Variants in MAGI2 observed in about 807,000 individuals in gnomAD.
The protein encoded by MAGI2 is membrane-associated guanylate kinase, WW and PDZ domain-containing protein 2.
A neutral mutation model predicts 133.3 loss-of-function variants in MAGI2; 35 were observed. The ratio of observed to expected loss-of-function variants is 0.26; its 90% CI spans 0.20 to 0.35. MAGI2 has a LOEUF of 0.35. MAGI2 is among the 10% of genes least tolerant of loss of function. The probability of loss-of-function intolerance (pLI) is 1.00; values close to 1 mark genes in which losing one functional copy is unlikely to be tolerated. For missense variants in MAGI2, 1,636 were observed against 1,863.4 expected (o/e 0.88, Z 2.25); for synonymous variants, 729 against 710.6 (o/e 1.03, Z -0.41).
chr7:78,680,004 AAAGCAAATAGTTGCATTGAGGTCTTCTTC>A (rs1219487193), intron 2 of MAGI2, among the ~76,000 whole-genome samples: 2 of 152,144 alleles, frequency 1.3e-5, no homozygotes, highest in Non-Finnish European at 2.9e-5. Context: ...ATCAAAATCA[AAAGCAAATAGTTGCATTGAGGTCTTCTTC>A]ATCTATCTTT....
intron 2 of MAGI2, among the ~76,000 whole-genome samples, chr7:78,656,070 C>CTA (rs1195292528): frequency 1.3e-5 from 2 of 149,378 alleles, no homozygotes; most frequent in African/African-American, 4.9e-5. Flanking sequence ...CCCCATTAAA[C>CTA]TATACATCAA....
chr7:78,511,991 C>T (rs572768891), intron 4 of MAGI2, among the ~76,000 whole-genome samples: 11 of 151,730 alleles, frequency 7.2e-5, no homozygotes, highest in Admixed American at 6.5e-4. Context: ...GGGGTGGTGG[C>T]GGGCACCTGC....
chr7:78,619,192 TAAAAAAG>T lies in MAGI2; in HGVS notation c.538+7921_538+7927del, dbSNP rs1203528308. 5.3e-5 allele frequency among the ~76,000 whole-genome samples: 8 copies of T among 151,238 alleles called. No individual in the cohort carries two copies. The South Asian group carries it at 1.5e-3, about 28-fold the overall frequency. The stretch of plus-strand genomic sequence containing the variant: ...TGGGTCCATTAAAAATAAAGCAACA[TAAAAAAG>T]AAAAAAGTCACTAGGAGATGTGTAC... On this transcript the variant is annotated intron_variant, in intron 3 of 21. Transcript: ENST00000354212.
At chr7:79,136,097 GA>G (rs1385940641) in intron 1 of MAGI2, among the ~76,000 whole-genome samples, 1 of 150,454 alleles carries the variant, frequency 6.6e-6, no homozygotes, top group Non-Finnish European at 1.5e-5. Flanking sequence ...AAGAAAGAAA[GA>G]AAGAAAGAAA....
At chr7:78,902,071 A>T (rs1030010923) in intron 2 of MAGI2, among the ~76,000 whole-genome samples, 1 of 152,208 alleles carries the variant, frequency 6.6e-6, no homozygotes, top group Non-Finnish European at 1.5e-5. Flanking sequence ...GGGAATTATT[A>T]AAATAATATT....
chr7:78,586,577 A>G (rs1425772359), intron 3 of MAGI2, among the ~76,000 whole-genome samples: 2 of 152,178 alleles, frequency 1.3e-5, no homozygotes, highest in African/African-American at 4.8e-5. Flanking sequence ...ATGATAAAAT[A>G]TGCATAACAA....
chr7:78,271,185 T>G (rs1049480741), intron 9 of MAGI2, among the ~76,000 whole-genome samples: 1 of 152,182 alleles, frequency 6.6e-6, no homozygotes, highest in Non-Finnish European at 1.5e-5. Flanking sequence ...GAAGGGGTGT[T>G]GAATTTTATC....
intron 6 of MAGI2, among the ~76,000 whole-genome samples, chr7:78,444,097 C>G (rs953896016): frequency 2.6e-5 from 4 of 151,966 alleles, no homozygotes; most frequent in Non-Finnish European, 5.9e-5. Flanking sequence ...TGGTGTATGT[C>G]ACATTTCAAC....
chr7:78,206,024 A>G (rs1233947634), intron 10 of MAGI2, among the ~76,000 whole-genome samples: 4 of 152,110 alleles, frequency 2.6e-5, no homozygotes, highest in Non-Finnish European at 5.9e-5. Flanking sequence ...TCTTTTCAGA[A>G]CTTACTTTTC....
chr7:78,481,032 C>T (rs1016726275), intron 6 of MAGI2, among the ~76,000 whole-genome samples: 1 of 151,792 alleles, frequency 6.6e-6, no homozygotes, highest in Non-Finnish European at 1.5e-5. Flanking sequence ...CTATGAGAAT[C>T]CCAACAAGAT....
chr7:78,207,670 T>C (rs1250507235), intron 10 of MAGI2, among the ~76,000 whole-genome samples: 1 of 152,206 alleles, frequency 6.6e-6, no homozygotes, highest in Non-Finnish European at 1.5e-5. Flanking sequence ...TTGTTTAAGC[T>C]GCTCGAAGTG....
At chr7:78,586,295 T>G (rs1803400792) in intron 3 of MAGI2, among the ~76,000 whole-genome samples, 1 of 152,194 alleles carries the variant, frequency 6.6e-6, no homozygotes, top group African/African-American at 2.4e-5. Flanking sequence ...CTAGCTTAGC[T>G]GTGATAACTA....
At chr7:78,460,847 A>G (rs1170349635) in intron 6 of MAGI2, among the ~76,000 whole-genome samples, 3 of 152,052 alleles carry the variant, frequency 2.0e-5, no homozygotes, top group Admixed American at 1.3e-4. Context: ...GTAAGTCCTC[A>G]ATAAACCTTA....
At position 78,159,125 on chromosome 7, in the gene MAGI2, A is replaced by AGC. The variant is rs1824699941; in HGVS notation, c.2845+899_2845+900insGC. On this transcript the variant is annotated intron_variant, in intron 16 of 21. Coordinates refer to ENST00000354212, the MANE Select transcript of MAGI2 (RefSeq NM_012301.4). The stretch of plus-strand genomic sequence containing the variant: ...GATCCCTGAATGCTCGGGGAGACTG[A>AGC]TTTGAGTAATAATAAAACTCTGTCT... Among the ~76,000 whole-genome samples the AGC allele has an allele frequency of 2.0e-5, 3 of 152,298 alleles. No homozygotes were observed. In the South Asian group the frequency reaches 6.2e-4, roughly 32 times the overall value.
intron 9 of MAGI2, among the ~76,000 whole-genome samples, chr7:78,290,439 T>C (rs1031513114): frequency 6.6e-6 from 1 of 152,128 alleles, no homozygotes; most frequent in Admixed American, 6.5e-5. Context: ...GCACCCAGAT[T>C]CATAAAGCAA....
At chr7:78,158,429 T>C (rs1006382140) in intron 16 of MAGI2, 1 of 152,188 alleles carries the variant, frequency 6.6e-6, no homozygotes, top group African/African-American at 2.4e-5. Context: ...ATATGGGCTA[T>C]GACTGTCACC....
chr7:79,059,183 C>T (rs1813472549), intron 1 of MAGI2, among the ~76,000 whole-genome samples: 1 of 151,936 alleles, frequency 6.6e-6, no homozygotes, highest in African/African-American at 2.4e-5. Flanking sequence ...AAGTTACACA[C>T]TCTCATAATA....
chr7:78,548,708 A>G (rs927129901), intron 3 of MAGI2, among the ~76,000 whole-genome samples: 1 of 152,198 alleles, frequency 6.6e-6, no homozygotes, highest in Non-Finnish European at 1.5e-5. Flanking sequence ...AACAAAACAA[A>G]ACAAAAACAA....
At chr7:78,569,380 T>C (rs1209176707) in intron 3 of MAGI2, among the ~76,000 whole-genome samples, 1 of 152,202 alleles carries the variant, frequency 6.6e-6, no homozygotes, top group East Asian at 1.9e-4. Flanking sequence ...TTCCCATATT[T>C]CACTTGAATT....
Sources: gnomAD v4.1 joint callset for allele counts (sites outside exome capture counted in the v4.1 genomes callset) on GRCh38, gnomAD v4.1.1 for gene constraint, MANE v1.5 for transcripts, NCBI Gene and HGNC (gene_info 2026-07-23, HGNC 2026-07-21) for gene names.